The following ACTR6 variants were observed in gnomAD, a reference collection of about 807,000 sequenced individuals.
ACTR6 encodes actin-related protein 6.
ACTR6 carries 50 observed loss-of-function variants against 52.5 expected under a neutral mutation model. The observed-to-expected ratio is 0.95, with a 90% confidence interval of 0.76 to 1.20. The LOEUF is 1.20. Ranked by LOEUF, ACTR6 falls within the 50% of genes most tolerant of loss-of-function variation. The probability of loss-of-function intolerance (pLI) is 0.00; values close to 1 mark genes in which losing one functional copy is unlikely to be tolerated. For synonymous variants in ACTR6, 135 were observed against 147.2 expected (o/e 0.92, Z 0.60); for missense variants, 344 against 472.4 (o/e 0.73, Z 2.52).
chr12:100,210,046 T>C, intron 4 of ACTR6, 27 bp from the exon 5 acceptor site: 1 of 1,554,326 alleles, frequency 6.4e-7, no homozygotes, highest in East Asian at 2.3e-5. Flanking sequence ...TATATTTTTG[T>C]TCACTTTTTT....
intron 8 of ACTR6, among the ~76,000 whole-genome samples, 181 bp downstream of exon 8, chr12:100,212,709 A>G (rs2096120821): frequency 6.6e-6 from 1 of 152,038 alleles, no homozygotes; most frequent in Admixed American, 6.6e-5. Flanking sequence ...TTAGATTTGA[A>G]AAGAATTTCA....
intron 1 of ACTR6, chr12:100,203,589 C>CAG (rs2096111748): frequency 6.6e-6 from 1 of 151,818 alleles, no homozygotes; most frequent in African/African-American, 2.4e-5. Context: ...ATGCTGTGAG[C>CAG]CACTGCTCCC....
intron 1 of ACTR6, chr12:100,204,172 A>G (rs2096112459): frequency 6.6e-6 from 1 of 151,870 alleles, no homozygotes; most frequent in Non-Finnish European, 1.5e-5. Context: ...TTGTGTTATT[A>G]TTATTTTAAA....
At position 100,207,723 on chromosome 12, in the gene ACTR6, C is replaced by A; in HGVS notation, c.316C>A (p.Gln106Lys). The change falls in exon 4 of 11, where the codon CAA becomes AAA. Residue 106 changes from glutamine to lysine, a missense_variant. Coordinates refer to ENST00000188312, the MANE Select transcript of ACTR6 (RefSeq NM_022496.5). ...ACCATACTTTAACTTCACTTCAATT[C>A]AAGAATCAATGAATGAAATTCTATT... The part of the protein sequence containing the change: ...TEPYFNFTSI[Q>K]ESMNEILFEE... 6.3e-7 allele frequency: 1 copy of A among 1,591,490 alleles called. No homozygotes were observed. The highest frequency in any genetic ancestry group is 1.1e-5 in the South Asian group (1 of 90,030).
At chr12:100,217,043 TATG>T (rs2096124404) in intron 8 of ACTR6, among the ~76,000 whole-genome samples, 1 of 152,164 alleles carries the variant, frequency 6.6e-6, no homozygotes, top group Non-Finnish European at 1.5e-5. Flanking sequence ...TGCTTTGGAT[TATG>T]ATATGAATGA....
intron 4 of ACTR6, 140 bp from the exon 5 acceptor site, chr12:100,209,933 A>T (rs2096118465): frequency 1.6e-6 from 1 of 623,136 alleles, no homozygotes; most frequent in South Asian, 2.4e-5. Flanking sequence ...TTTGACAGTT[A>T]TGAATAGTAT....
Position 100,220,246 on chromosome 12 carries a change from G to T in ACTR6, c.1061+100G>T, listed in dbSNP as rs952269290. Reference sequence around the variant, plus strand: ...AAACCTGGCTCTCCCACGGTGGCAGGTTCATTTCACCTGCTGAATATTCAT... The same window carrying T: ...AAACCTGGCTCTCCCACGGTGGCAGTTTCATTTCACCTGCTGAATATTCAT... On this transcript the variant is annotated intron_variant, in intron 10 of 10. Coordinates refer to ENST00000188312, the MANE Select transcript of ACTR6 (RefSeq NM_022496.5). The T allele has an allele frequency of 4.2e-6, 5 of 1,190,840 alleles. No homozygotes were observed. The Admixed American group carries it at 8.9e-5, about 21-fold the overall frequency. The allele number at this position is 1,190,840 out of a possible 1,614,324, so 73.8% of individuals were successfully genotyped here.
chr12:100,201,024 C>G, intron 1 of ACTR6, 105 bp downstream of exon 1: 1 of 1,582,878 alleles, frequency 6.3e-7, no homozygotes, highest in Non-Finnish European at 8.6e-7. Flanking sequence ...CCCGCGCGGC[C>G]CTGACTTAGC....
chr12:100,211,828 A>G (rs1175600593), intron 6 of ACTR6, among the ~76,000 whole-genome samples: 1 of 152,140 alleles, frequency 6.6e-6, no homozygotes, highest in Non-Finnish European at 1.5e-5. Context: ...TAGTAAGCCA[A>G]TGTTTAAGCT....
intron 1 of ACTR6, 100 bp from the exon 2 acceptor site, chr12:100,204,840 T>A: frequency 1.3e-6 from 1 of 741,088 alleles, no homozygotes; most frequent in Non-Finnish European, 2.3e-6. Flanking sequence ...ATACCAATCT[T>A]AGGATACGCT....
intron 2 of ACTR6, chr12:100,205,432 A>G (rs1310130035): frequency 1.3e-5 from 4 of 314,580 alleles, no homozygotes; most frequent in Non-Finnish European, 2.3e-5. Context: ...TTCATACAGC[A>G]GTATACCTAT....
chr12:100,217,885 A>G (rs975375746), intron 8 of ACTR6, among the ~76,000 whole-genome samples: 1 of 152,212 alleles, frequency 6.6e-6, no homozygotes, highest in Non-Finnish European at 1.5e-5. Flanking sequence ...CACAAGACAT[A>G]GTAAATGTTT....
intron 10 of ACTR6, among the ~76,000 whole-genome samples, chr12:100,221,006 C>T (rs1367249817): frequency 2.0e-5 from 3 of 147,178 alleles, no homozygotes; most frequent in African/African-American, 7.9e-5. Flanking sequence ...CAAACAAACC[C>T]CCCTGGCAAA....
intron 4 of ACTR6, chr12:100,208,081 A>T (rs1391858685): frequency 7.4e-6 from 2 of 270,758 alleles, no homozygotes; most frequent in Admixed American, 1.0e-4. Flanking sequence ...GGATCGTTTG[A>T]GCCTGGGAGG....
At chr12:100,220,544 T>C (rs1276785834) in intron 10 of ACTR6, among the ~76,000 whole-genome samples, 5 of 152,214 alleles carry the variant, frequency 3.3e-5, no homozygotes, top group African/African-American at 1.2e-4. Context: ...TGTGATAAGT[T>C]TTATCAATTC....
At chr12:100,207,138 C>T (rs1026441630) in intron 3 of ACTR6, among the ~76,000 whole-genome samples, 1 of 152,100 alleles carries the variant, frequency 6.6e-6, no homozygotes, top group Non-Finnish European at 1.5e-5. Context: ...ACTGCAGCCT[C>T]AATTTCCCAG....
chr12:100,217,560 C>T (rs1414607291), intron 8 of ACTR6, among the ~76,000 whole-genome samples: 5 of 151,938 alleles, frequency 3.3e-5, no homozygotes, highest in Admixed American at 6.6e-5. Flanking sequence ...TTTTTGCAGC[C>T]CCCTCAGCAC....
At chr12:100,200,943 G>A in intron 1 of ACTR6, 24 bp downstream of exon 1, 1 of 1,613,926 alleles carries the variant, frequency 6.2e-7, no homozygotes, top group Non-Finnish European at 8.5e-7. Context: ...TTCTCCGAGG[G>A]ACAAGATATA....
At position 100,202,681 on chromosome 12, in the gene ACTR6, AC is replaced by A. The variant is rs557806608; in HGVS notation, c.68+1765del. On this transcript the variant is annotated intron_variant, in intron 1 of 10. Coordinates refer to ENST00000188312, the MANE Select transcript of ACTR6 (RefSeq NM_022496.5). ...AGAGCATCATGGCTAACACGGCGAA[AC>A]CCTGTCTCTACTAAAAATACAAAAA... is the stretch of plus-strand genomic sequence containing the variant. 7.5e-3 allele frequency among the ~76,000 whole-genome samples: 1,144 copies of A among 152,132 alleles called. 4 individuals carry two copies. The highest frequency in any genetic ancestry group is 0.02 in the Middle Eastern group (6 of 294).
Sources: gnomAD v4.1 joint callset for allele counts (sites outside exome capture counted in the v4.1 genomes callset) on GRCh38, gnomAD v4.1.1 for gene constraint, MANE v1.5 for transcripts, NCBI Gene and HGNC (gene_info 2026-07-23, HGNC 2026-07-21) for gene names.